The following ADGRL3 variants were observed in gnomAD, a reference collection of about 807,000 sequenced individuals.
ADGRL3 encodes the protein calcium-independent alpha-latrotoxin receptor 3.
A neutral mutation model predicts 153.5 loss-of-function variants in ADGRL3; 62 were observed. The ratio of observed to expected loss-of-function variants is 0.40; its 90% confidence interval spans 0.33 to 0.50. The LOEUF is 0.50. ADGRL3 is among the 20% of genes least tolerant of loss of function. The pLI is 0.47. For missense variants in ADGRL3, 1,641 were observed against 1,859.4 expected, an observed-to-expected ratio of 0.88 and a Z score of 2.16; for synonymous variants, 710 against 672.5, an observed-to-expected ratio of 1.06 and a Z score of -0.86.
chr4:61,765,659 G>A (rs563252394), intron 8 of ADGRL3, among the ~76,000 whole-genome samples: 1 of 152,234 alleles, frequency 6.6e-6, no homozygotes, highest in South Asian at 2.1e-4. Context: ...ATAAATGACT[G>A]CGGTGGCCTT....
At chr4:61,778,132 A>C (rs1278266501) in intron 8 of ADGRL3, among the ~76,000 whole-genome samples, 1 of 152,248 alleles carries the variant, frequency 6.6e-6, no homozygotes, top group Non-Finnish European at 1.5e-5. Flanking sequence ...CAAAATTGTT[A>C]AGTACATTGT....
chr4:61,812,212 T>A (rs1203286034), intron 8 of ADGRL3, among the ~76,000 whole-genome samples: 1 of 152,206 alleles, frequency 6.6e-6, no homozygotes, highest in Non-Finnish European at 1.5e-5. Context: ...TTTATAATAA[T>A]GTTTTTAGTA....
chr4:62,026,815 A>G (rs142321090), intron 21 of ADGRL3, among the ~76,000 whole-genome samples: 80 of 152,142 alleles, frequency 5.3e-4, no homozygotes, highest in African/African-American at 1.9e-3. Flanking sequence ...CTACAAAAAC[A>G]AACAAACAAA....
chr4:61,432,711 T>C (rs1440690598), intron 2 of ADGRL3, among the ~76,000 whole-genome samples: 2 of 147,492 alleles, frequency 1.4e-5, no homozygotes, highest in African/African-American at 5.0e-5. Context: ...TGGACTGTAA[T>C]AGAGCGATCT....
Position 61,200,939 on chromosome 4 carries a change from C to T in ADGRL3, c.-1066C>T, listed in dbSNP as rs1734476690. On this transcript the variant is annotated 5_prime_UTR_variant, in exon 1 of 27. Transcript: ENST00000683033. The stretch of plus-strand genomic sequence containing the variant: ...AGCCCTCGGCGGCCGGGCGCCCGCT[C>T]TGTCTGCGCGCCCCCTCCGTGCACC... 6.6e-6 allele frequency among the ~76,000 whole-genome samples: 1 copy of T among 152,086 alleles called. No homozygotes were observed. Among genetic ancestry groups the T allele is most frequent in the Admixed American group, 6.5e-5 (1 of 15,288 alleles).
chr4:61,369,000 G>T (rs1274593604), intron 1 of ADGRL3, among the ~76,000 whole-genome samples: 1 of 152,132 alleles, frequency 6.6e-6, no homozygotes, highest in Admixed American at 6.6e-5. Flanking sequence ...AATTGTGAAT[G>T]GGAGTTCACT....
intron 2 of ADGRL3, among the ~76,000 whole-genome samples, chr4:61,413,740 T>C (rs2097113651): frequency 1.3e-5 from 2 of 150,174 alleles, no homozygotes; most frequent in African/African-American, 4.9e-5. Context: ...TCTGGAAGTA[T>C]GAGTTAAACA....
chr4:61,306,108 T>C (rs991227024), intron 1 of ADGRL3, among the ~76,000 whole-genome samples: 3 of 151,644 alleles, frequency 2.0e-5, no homozygotes, highest in African/African-American at 7.3e-5. Flanking sequence ...AATTAATTAA[T>C]TTTTTTTGAG....
intron 17 of ADGRL3, among the ~76,000 whole-genome samples, chr4:61,954,384 T>G (rs2098958330): frequency 6.6e-6 from 1 of 152,050 alleles, no homozygotes; most frequent in African/African-American, 2.4e-5. Flanking sequence ...CCTTAACTGC[T>G]GTCTGTTTCC....
intron 1 of ADGRL3, among the ~76,000 whole-genome samples, chr4:61,337,318 G>T (rs1339196447): frequency 6.6e-6 from 1 of 152,158 alleles, no homozygotes; most frequent in African/African-American, 2.4e-5. Context: ...TGACAGACAA[G>T]TGTCAGCAGA....
At chr4:62,026,750 TA>T (rs1361267172) in intron 21 of ADGRL3, among the ~76,000 whole-genome samples, 3 of 151,948 alleles carry the variant, frequency 2.0e-5, no homozygotes, top group African/African-American at 7.2e-5. Context: ...CTATAGGTAA[TA>T]AAATTGTATT....
intron 8 of ADGRL3, among the ~76,000 whole-genome samples, chr4:61,788,822 T>C (rs947007604): frequency 1.3e-5 from 2 of 152,272 alleles, no homozygotes; most frequent in South Asian, 4.1e-4. Flanking sequence ...GAGTTTACAA[T>C]TAAGGAAACT....
chr4:61,817,099 A>T (rs921678615), intron 9 of ADGRL3, among the ~76,000 whole-genome samples: 2 of 149,290 alleles, frequency 1.3e-5, no homozygotes, highest in African/African-American at 4.9e-5. Flanking sequence ...AAGCTCAGGG[A>T]TGGAAGCCCA....
chr4:61,370,442 T>C, intron 1 of ADGRL3, among the ~76,000 whole-genome samples: 1 of 151,946 alleles, frequency 6.6e-6, no homozygotes, highest in African/African-American at 2.4e-5. Flanking sequence ...TTTGTTCTCG[T>C]TGGTTTGAAA....
chr4:61,351,835 T>C (rs1456478567), intron 1 of ADGRL3, among the ~76,000 whole-genome samples: 1 of 152,100 alleles, frequency 6.6e-6, no homozygotes, highest in Non-Finnish European at 1.5e-5. Context: ...GTGATGGAGA[T>C]GTGTAAGAAG....
chr4:61,521,515 C>A (rs2098530874), intron 4 of ADGRL3, among the ~76,000 whole-genome samples: 1 of 152,052 alleles, frequency 6.6e-6, no homozygotes, highest in Admixed American at 6.6e-5. Flanking sequence ...GAAGAATTAA[C>A]CAAAACAGTC....
chr4:61,648,305 A>G (rs1288772385), intron 5 of ADGRL3, among the ~76,000 whole-genome samples: 2 of 150,866 alleles, frequency 1.3e-5, no homozygotes, highest in Non-Finnish European at 1.5e-5. Flanking sequence ...TACTTAATCC[A>G]GGATTCTAGT....
intron 9 of ADGRL3, among the ~76,000 whole-genome samples, chr4:61,849,031 C>A (rs535118314): frequency 6.6e-6 from 1 of 152,262 alleles, no homozygotes; most frequent in South Asian, 2.1e-4. Flanking sequence ...GAAGTGTATA[C>A]ATTTTAGCAA....
At chr4:62,020,432 A>G (rs1267265564) in intron 21 of ADGRL3, among the ~76,000 whole-genome samples, 1 of 152,104 alleles carries the variant, frequency 6.6e-6, no homozygotes, top group African/African-American at 2.4e-5. Flanking sequence ...AGTAGAAAAT[A>G]CTGGACCTCC....
Sources: gnomAD v4.1 joint callset for allele counts (sites outside exome capture counted in the v4.1 genomes callset) on GRCh38, gnomAD v4.1.1 for gene constraint, MANE v1.5 for transcripts, NCBI Gene and HGNC (gene_info 2026-07-23, HGNC 2026-07-21) for gene names.